Variants in KLHDC4 observed in about 807,000 individuals in gnomAD.
The protein encoded by KLHDC4 is kelch domain-containing protein 4.
In KLHDC4, 90 loss-of-function variants were observed where a neutral mutation model predicts 62.4. The observed-to-expected ratio is 1.44, with a 90% CI of 1.22 to 1.72. The LOEUF (loss-of-function observed/expected upper bound fraction) is 1.72, where lower values mean the gene tolerates loss of function less well. Among genes scored for constraint, KLHDC4 ranks in the 40% most tolerant of loss-of-function variants. KLHDC4 has a pLI of 0.00. For synonymous variants in KLHDC4, 386 were observed against 284.4 expected, an observed-to-expected ratio of 1.36 and a Z score of -3.59; for missense variants, 1,025 against 699.7, an observed-to-expected ratio of 1.47 and a Z score of -5.25.
intron 3 of KLHDC4, chr16:87,755,860 C>G (rs2044800419): frequency 6.1e-6 from 1 of 163,792 alleles, no homozygotes; most frequent in Non-Finnish European, 1.4e-5. Flanking sequence ...CCACTGTACC[C>G]AGTCAAGCCT....
chr16:87,731,930 G>A (rs2040445802), intron 5 of KLHDC4, among the ~76,000 whole-genome samples: 2 of 152,118 alleles, frequency 1.3e-5, no homozygotes, highest in South Asian at 2.1e-4. Flanking sequence ...CTGAAGGAAG[G>A]CAGGTTCTGC....
intron 2 of KLHDC4, among the ~76,000 whole-genome samples, chr16:87,759,889 A>T (rs2045597308): frequency 6.6e-6 from 1 of 152,210 alleles, no homozygotes; most frequent in Non-Finnish European, 1.5e-5. Flanking sequence ...CCCAGCCACC[A>T]GCGGCACCAG....
intron 3 of KLHDC4, 177 bp from the exon 4 acceptor site, chr16:87,755,469 T>TG: frequency 2.0e-6 from 1 of 488,210 alleles, no homozygotes; most frequent in South Asian, 2.1e-5. Flanking sequence ...GACGACACAA[T>TG]GAAAACGACC....
chr16:87,742,582 G>A (rs896168654), intron 5 of KLHDC4, among the ~76,000 whole-genome samples: 13 of 152,178 alleles, frequency 8.5e-5, no homozygotes, highest in African/African-American at 3.1e-4. Context: ...TCAGGATAGG[G>A]ATCGTGGAGA....
chr16:87,765,663 C>A, intron 1 of KLHDC4, 129 bp downstream of exon 1: 1 of 857,932 alleles, frequency 1.2e-6, no homozygotes, highest in Non-Finnish European at 1.7e-6. Flanking sequence ...GCAGTTCCTA[C>A]GGCCTCCAGC....
chr16:87,733,306 G>A (rs892281567), intron 5 of KLHDC4, among the ~76,000 whole-genome samples: 3 of 152,248 alleles, frequency 2.0e-5, no homozygotes, highest in Non-Finnish European at 4.4e-5. Flanking sequence ...AGAGAGAGGA[G>A]CAACAAAACA....
intron 5 of KLHDC4, among the ~76,000 whole-genome samples, chr16:87,746,336 AAAGAC>A (rs941705881): frequency 3.3e-5 from 5 of 152,022 alleles, no homozygotes; most frequent in African/African-American, 1.2e-4. Flanking sequence ...GAGAGGAGAA[AAAGAC>A]AAGACCACAA....
chr16:87,746,144 C>A (rs562799405), intron 5 of KLHDC4, among the ~76,000 whole-genome samples: 1 of 152,084 alleles, frequency 6.6e-6, no homozygotes, highest in Non-Finnish European at 1.5e-5. Flanking sequence ...GTGGTGCACG[C>A]CTGTAATCCT....
chr16:87,763,754 C>CT (rs1280882945), intron 1 of KLHDC4, among the ~76,000 whole-genome samples: 1 of 152,216 alleles, frequency 6.6e-6, no homozygotes, highest in Non-Finnish European at 1.5e-5. Flanking sequence ...TTAGAGCGGT[C>CT]TTTGACCTTG....
intron 5 of KLHDC4, among the ~76,000 whole-genome samples, chr16:87,736,187 C>A (rs1345525022): frequency 1.3e-5 from 2 of 152,170 alleles, no homozygotes; most frequent in South Asian, 2.1e-4. Flanking sequence ...ACGGGAGAGC[C>A]CAATGCTTAT....
downstream of KLHDC4, among the ~76,000 whole-genome samples, chr16:87,705,305 C>T (rs571612365): frequency 2.0e-5 from 3 of 152,382 alleles, no homozygotes; most frequent in African/African-American, 4.8e-5. Context: ...GAGCAGACCA[C>T]AGGCCCGTGG....
chr16:87,732,625 A>G lies in KLHDC4; in HGVS notation c.507-1981T>C, dbSNP rs368747185. 4.6e-5 allele frequency among the ~76,000 whole-genome samples: 7 copies of G among 152,396 alleles called. No individual in the cohort carries two copies. The East Asian group carries it at 1.3e-3, about 29-fold the overall frequency. On this transcript the variant is annotated intron_variant, in intron 5 of 11. Coordinates refer to ENST00000270583, the MANE Select transcript of KLHDC4 (RefSeq NM_017566.4). ...CCCTAGTAATCAAAGAATTTCAAAT[A>G]AAGCAGAGATACCATTTTATTCTAT...
chr16:87,714,401 G>A, intron 8 of KLHDC4, 97 bp downstream of exon 8: 1 of 1,552,914 alleles, frequency 6.4e-7, no homozygotes, highest in Non-Finnish European at 8.7e-7. Context: ...GGGTGCAGGG[G>A]CTCACCGCCA....
At chr16:87,756,910 T>C (rs913611059) in intron 2 of KLHDC4, among the ~76,000 whole-genome samples, 6 of 151,432 alleles carry the variant, frequency 4.0e-5, no homozygotes, top group African/African-American at 7.3e-5. Context: ...AACTCCTGGG[T>C]TCAAGCAATT....
chr16:87,745,946 C>T (rs1597291570), intron 5 of KLHDC4, among the ~76,000 whole-genome samples: 2 of 152,136 alleles, frequency 1.3e-5, no homozygotes, highest in East Asian at 3.9e-4. Context: ...TAACCGAATC[C>T]TGCTGAGCAG....
intron 7 of KLHDC4, among the ~76,000 whole-genome samples, chr16:87,718,638 GGCC>G (rs1378084621): frequency 6.6e-6 from 1 of 151,504 alleles, no homozygotes; most frequent in East Asian, 2.0e-4. Flanking sequence ...GCCTCTGCCC[GGCC>G]GCCACCTCGT....
intron 1 of KLHDC4, among the ~76,000 whole-genome samples, chr16:87,763,310 G>A (rs929830747): frequency 2.0e-5 from 3 of 152,216 alleles, no homozygotes; most frequent in Non-Finnish European, 4.4e-5. Context: ...ATTTTTAAAT[G>A]TCATTAAATG....
intron 3 of KLHDC4, 111 bp from the exon 4 acceptor site, chr16:87,755,403 G>T: frequency 3.3e-6 from 2 of 610,474 alleles, no homozygotes; most frequent in Non-Finnish European, 2.9e-6. Flanking sequence ...CTAAAGGAAT[G>T]TAAACCATAC....
intron 5 of KLHDC4, among the ~76,000 whole-genome samples, chr16:87,738,354 C>T (rs902624623): frequency 2.3e-4 from 32 of 140,486 alleles, no homozygotes; most frequent in African/African-American, 9.1e-4. Context: ...CACACACGGA[C>T]GTGCACACAC....
Sources: allele counts gnomAD v4.1 joint callset (sites outside exome capture counted in the v4.1 genomes callset), GRCh38; gene constraint gnomAD v4.1.1; transcripts MANE v1.5; gene names NCBI Gene and HGNC (gene_info 2026-07-23, HGNC 2026-07-21).